ARHGAP31: variants seen among roughly 807,000 people sequenced by gnomAD.
ARHGAP31 encodes the protein rho GTPase-activating protein 31.
Under a neutral mutation model 113.9 loss-of-function variants are expected in ARHGAP31, and 34 were observed. The ratio of observed to expected loss-of-function variants is 0.30; its 90% CI spans 0.23 to 0.40. The LOEUF (loss-of-function observed/expected upper bound fraction) is 0.40, where lower values mean the gene tolerates loss of function less well. Ranked by LOEUF, ARHGAP31 falls within the 10% of genes least tolerant of loss-of-function variation. The probability of loss-of-function intolerance (pLI) is 1.00; values close to 1 mark genes in which losing one functional copy is unlikely to be tolerated. For synonymous variants in ARHGAP31, 650 were observed against 684.8 expected (o/e 0.95, Z 0.79); for missense variants, 1,548 against 1,767.1 (o/e 0.88, Z 2.22).
chr3:119,321,770 T>G (rs1035122805), intron 1 of ARHGAP31, among the ~76,000 whole-genome samples: 3 of 152,194 alleles, frequency 2.0e-5, no homozygotes, highest in Admixed American at 6.5e-5. Flanking sequence ...TGCTTCAGCC[T>G]CCCAAGTAGC....
rs2079886877 is a variant in ARHGAP31 at position 119,331,033 on chromosome 3, G to C, written c.101-34283G>C. Among the ~76,000 whole-genome samples, 2 of 152,130 alleles carry C rather than the reference G, an allele frequency of 1.3e-5. 1 individual carries two copies. The highest frequency in any genetic ancestry group is 1.3e-4 in the Admixed American group (2 of 15,280). Reference sequence around the variant, plus strand: ...CAGGAGGTGGCATGGCTAGTGGTGGGAGTGAGGTTGTTTATAATCTTTCAG... The same window carrying C: ...CAGGAGGTGGCATGGCTAGTGGTGGCAGTGAGGTTGTTTATAATCTTTCAG... On this transcript the variant is annotated intron_variant, in intron 1 of 11. Coordinates refer to ENST00000264245, the MANE Select transcript of ARHGAP31 (RefSeq NM_020754.4).
At chr3:119,380,553 T>C (rs1431521258) in intron 3 of ARHGAP31, among the ~76,000 whole-genome samples, 1 of 151,508 alleles carries the variant, frequency 6.6e-6, no homozygotes, top group Non-Finnish European at 1.5e-5. Flanking sequence ...GCTGGGCCTA[T>C]CTCTATCTCT....
At chr3:119,391,106 T>A in intron 7 of ARHGAP31, 123 bp downstream of exon 7, 1 of 1,076,104 alleles carries the variant, frequency 9.3e-7, no homozygotes, top group Non-Finnish European at 1.4e-6. Flanking sequence ...GGGTTGGGGT[T>A]TAAGGAAACA....
intron 1 of ARHGAP31, among the ~76,000 whole-genome samples, chr3:119,312,018 T>C (rs2079687268): frequency 6.6e-6 from 1 of 152,260 alleles, no homozygotes; most frequent in Non-Finnish European, 1.5e-5. Flanking sequence ...ACAGTATCTA[T>C]CTGCCTGAAC....
chr3:119,308,631 C>G lies in ARHGAP31; in HGVS notation c.100+13627C>G, dbSNP rs570338759. ...GTATAATCCAGGACACTATCCCTAT[C>G]TCAAGGTCCTTAACCTAATCACATC... On this transcript the variant is annotated intron_variant, in intron 1 of 11. Coordinates refer to ENST00000264245, the MANE Select transcript of ARHGAP31 (RefSeq NM_020754.4). Among the ~76,000 whole-genome samples, 7 of 152,288 alleles carry G rather than the reference C, an allele frequency of 4.6e-5. No homozygotes were observed. In the South Asian group the frequency reaches 1.5e-3, roughly 32 times the overall value.
At chr3:119,306,321 A>G (rs533398001) in intron 1 of ARHGAP31, among the ~76,000 whole-genome samples, 7 of 152,254 alleles carry the variant, frequency 4.6e-5, no homozygotes, top group African/African-American at 1.4e-4. Context: ...TTGGGAGGTT[A>G]GGTGGGTGGA....
Position 119,368,420 on chromosome 3 carries a change from C to A in ARHGAP31, c.252C>A (p.Tyr84Ter), listed in dbSNP as rs768235056. ...GTCCAGATCTGACAAGGGAAGTGTACCTCCAGGACATCCACTGTGTGGGCT... is the reference window on the plus strand; with the variant it reads ...GTCCAGATCTGACAAGGGAAGTGTAACTCCAGGACATCCACTGTGTGGGCT... ...DQCPDLTREV[Y>*]LQDIHCVGSL... The change falls in exon 3 of 12, where the codon TAC becomes TAA. Residue 84 changes from tyrosine (Y) to a stop codon, truncating the protein, a stop_gained. Transcript: ENST00000264245. LOFTEE classifies it high-confidence loss of function. The A allele has an allele frequency of 6.2e-7, 1 of 1,614,138 alleles. No individual in the cohort carries two copies.
At chr3:119,308,782 A>G (rs2079652944) in intron 1 of ARHGAP31, among the ~76,000 whole-genome samples, 1 of 152,236 alleles carries the variant, frequency 6.6e-6, no homozygotes, top group Non-Finnish European at 1.5e-5. Context: ...CAAATTGCCC[A>G]TACCTGATGA....
chr3:119,384,973 G>A (rs2080437097), intron 6 of ARHGAP31, among the ~76,000 whole-genome samples: 1 of 150,398 alleles, frequency 6.6e-6, no homozygotes, highest in Non-Finnish European at 1.5e-5. Context: ...TGCCCAGGCT[G>A]GAGTGCAGTG....
chr3:119,404,904 A>G (rs2080646766), intron 10 of ARHGAP31, among the ~76,000 whole-genome samples: 1 of 152,244 alleles, frequency 6.6e-6, no homozygotes, highest in African/African-American at 2.4e-5. Flanking sequence ...GGGAGAAAGG[A>G]CAACAAACCG....
intron 1 of ARHGAP31, among the ~76,000 whole-genome samples, chr3:119,345,350 A>G (rs904587158): frequency 3.3e-5 from 5 of 152,070 alleles, no homozygotes; most frequent in Admixed American, 6.5e-5. Flanking sequence ...ACAATCCGTA[A>G]CTACACAGAG....
At chr3:119,303,308 A>C (rs1445961458) in intron 1 of ARHGAP31, among the ~76,000 whole-genome samples, 2 of 152,212 alleles carry the variant, frequency 1.3e-5, no homozygotes, top group African/African-American at 4.8e-5. Context: ...CCAATTGCTT[A>C]ATGGTCCCCA....
chr3:119,303,588 C>T (rs1007386766), intron 1 of ARHGAP31, among the ~76,000 whole-genome samples: 2 of 152,152 alleles, frequency 1.3e-5, no homozygotes, highest in Non-Finnish European at 2.9e-5. Flanking sequence ...CCCACCACTA[C>T]TGGAGGGAGA....
At chr3:119,381,704 G>T (rs753472886) in intron 4 of ARHGAP31, among the ~76,000 whole-genome samples, 1 of 152,128 alleles carries the variant, frequency 6.6e-6, no homozygotes, top group Non-Finnish European at 1.5e-5. Flanking sequence ...AGAGCCTCCA[G>T]GCGGCCTGTG....
intron 1 of ARHGAP31, among the ~76,000 whole-genome samples, chr3:119,326,963 C>T (rs967363439): frequency 6.6e-6 from 1 of 152,238 alleles, no homozygotes; most frequent in South Asian, 2.1e-4. Flanking sequence ...CACGGTGAAA[C>T]CCTGTCTCTA....
At chr3:119,355,273 T>C (rs2080145104) in intron 1 of ARHGAP31, among the ~76,000 whole-genome samples, 1 of 152,210 alleles carries the variant, frequency 6.6e-6, no homozygotes, top group Non-Finnish European at 1.5e-5. Context: ...ATTTTGTCTG[T>C]TTCATGGGTT....
intron 1 of ARHGAP31, chr3:119,322,522 C>T (rs897051521): frequency 6.5e-6 from 1 of 152,770 alleles, no homozygotes; most frequent in African/African-American, 2.4e-5. Context: ...TCCCTTGTGC[C>T]ATCCTTGCAA....
intron 1 of ARHGAP31, among the ~76,000 whole-genome samples, chr3:119,340,430 A>G (rs956640968): frequency 1.3e-5 from 2 of 152,232 alleles, no homozygotes; most frequent in African/African-American, 4.8e-5. Flanking sequence ...CTCCAGAGGT[A>G]GCTCTCCCAA....
chr3:119,410,016 CTAAA>C (rs1045718805), intron 11 of ARHGAP31, among the ~76,000 whole-genome samples: 3 of 152,168 alleles, frequency 2.0e-5, no homozygotes, highest in African/African-American at 4.8e-5. Flanking sequence ...AGACTCAACT[CTAAA>C]TATTCCTGAC....
Sources: allele counts gnomAD v4.1 joint callset (sites outside exome capture counted in the v4.1 genomes callset), GRCh38; gene constraint gnomAD v4.1.1; transcripts MANE v1.5; gene names NCBI Gene and HGNC (gene_info 2026-07-23, HGNC 2026-07-21).